The following COL24A1 variants were observed in gnomAD, a reference collection of about 807,000 sequenced individuals.
COL24A1 encodes collagen alpha-1(XXIV) chain.
In COL24A1, 224 loss-of-function variants were observed where a neutral mutation model predicts 253.9. That is an observed-to-expected ratio of 0.88 (90% CI 0.79 to 0.99). COL24A1 has a LOEUF of 0.99. Ranked by LOEUF, COL24A1 falls within the 50% of genes least tolerant of loss-of-function variation. The pLI is 0.00. For missense variants in COL24A1, 2,131 were observed against 2,068.5 expected, an observed-to-expected ratio of 1.03 and a Z score of -0.59; for synonymous variants, 685 against 673.7, an observed-to-expected ratio of 1.02 and a Z score of -0.26.
chr1:85,777,240 G>A (rs1404660876), intron 52 of COL24A1, among the ~76,000 whole-genome samples: 5 of 148,370 alleles, frequency 3.4e-5, no homozygotes, highest in Middle Eastern at 3.5e-3. Flanking sequence ...GAGTCACTGC[G>A]CCTGGACCCT....
intron 12 of COL24A1, 106 bp from the exon 13 acceptor site, chr1:86,034,029 T>A: frequency 1.3e-6 from 1 of 744,984 alleles, no homozygotes; most frequent in Non-Finnish European, 2.1e-6. Context: ...TCCTAACTCT[T>A]AAACTGTAAT....
At chr1:86,137,263 A>G (rs957875589) in intron 2 of COL24A1, among the ~76,000 whole-genome samples, 1 of 152,178 alleles carries the variant, frequency 6.6e-6, no homozygotes, top group Non-Finnish European at 1.5e-5. Flanking sequence ...TCAACCCAGC[A>G]CTATATTAGG....
chr1:85,810,584 G>A (rs1039933173), intron 47 of COL24A1, among the ~76,000 whole-genome samples: 1 of 152,090 alleles, frequency 6.6e-6, no homozygotes, highest in African/African-American at 2.4e-5. Context: ...GGAGGTGGGG[G>A]CTGGGGGAGT....
At chr1:85,924,353 CAGAGACACAACAAAAAAAGAGAA>C (rs1283034642) in intron 24 of COL24A1, among the ~76,000 whole-genome samples, 3 of 152,114 alleles carry the variant, frequency 2.0e-5, no homozygotes, top group Non-Finnish European at 4.4e-5. Context: ...GAAAGCCTGG[CAGAGACACAACAAAAAAAGAGAA>C]TTTTAGACCA....
chr1:85,977,198 C>T (rs1692775073), intron 20 of COL24A1, among the ~76,000 whole-genome samples: 1 of 152,218 alleles, frequency 6.6e-6, no homozygotes, highest in African/African-American at 2.4e-5. Flanking sequence ...GGGATCACCC[C>T]ATGGGACAAA....
At chr1:85,871,516 T>C (rs559515643) in intron 35 of COL24A1, among the ~76,000 whole-genome samples, 23 of 152,314 alleles carry the variant, frequency 1.5e-4, no homozygotes, top group African/African-American at 5.3e-4. Context: ...GTGGGCTTCA[T>C]CCCTGGGATG....
rs756611468 is a variant in COL24A1, at chr1:85,823,558, A to C, written c.3767T>G (p.Leu1256Arg). The C allele has an allele frequency of 6.2e-7, 1 of 1,613,990 alleles. No homozygotes were observed. Among genetic ancestry groups the C allele is most frequent in the Non-Finnish European group, 8.5e-7 (1 of 1,179,948 alleles). The part of the protein sequence containing the change: ...GEPGDQGEQG[L>R]KGERGSEGNK... ...TACTTCAGATCCTCTCTCTCCTTTT[A>C]GTCCTTGTTCACCCTGGTCACCTGG... Residue 1256 changes from leucine (L) to arginine (R), a missense_variant, in exon 45 of 60, where the codon CTA becomes CGA. By Grantham distance (102) the Leu-to-Arg change is moderately radical. Transcript: ENST00000370571.
intron 7 of COL24A1, among the ~76,000 whole-genome samples, chr1:86,077,974 A>C (rs143633361): frequency 1.3e-4 from 20 of 152,156 alleles, no homozygotes; most frequent in African/African-American, 4.6e-4. Flanking sequence ...ACAGAACTTA[A>C]AGTATAATTT....
intron 19 of COL24A1, among the ~76,000 whole-genome samples, chr1:85,995,236 C>T (rs7537787): frequency 0.26 from 40,072 of 151,810 alleles, 6,522 homozygotes; most frequent in Non-Finnish European, 0.35. Context: ...TGTGCCACCA[C>T]GTTCAGCTAA....
chr1:85,782,515 A>AGCC (rs34242017), intron 51 of COL24A1, among the ~76,000 whole-genome samples: 144,041 of 152,180 alleles, frequency 0.95, 68,213 homozygotes, highest in Non-Finnish European at 0.96. Flanking sequence ...AATACTATGC[A>AGCC]ATAAAAGATG....
chr1:86,033,805 A>C (rs1041469023), intron 13 of COL24A1, 65 bp downstream of exon 13: 1 of 1,344,412 alleles, frequency 7.4e-7, no homozygotes, highest in African/African-American at 1.5e-5. Flanking sequence ...TAAGGACTGT[A>C]AGTGCAGTGC....
intron 37 of COL24A1, among the ~76,000 whole-genome samples, chr1:85,855,577 G>T (rs1339837110): frequency 6.6e-6 from 1 of 152,118 alleles, no homozygotes; most frequent in Non-Finnish European, 1.5e-5. Context: ...GATCATGATG[G>T]ATTAGCTTTT....
At chr1:86,075,162 A>C (rs1420553303) in intron 7 of COL24A1, among the ~76,000 whole-genome samples, 1 of 152,208 alleles carries the variant, frequency 6.6e-6, no homozygotes, top group Non-Finnish European at 1.5e-5. Flanking sequence ...AACAAAGAAG[A>C]AAAGAGAGAA....
chr1:85,800,426 A>T (rs598104), intron 47 of COL24A1, among the ~76,000 whole-genome samples: 58,937 of 151,968 alleles, frequency 0.39, 11,809 homozygotes, highest in East Asian at 0.57. Context: ...AAATACATGA[A>T]CATAATTTCA....
chr1:85,738,088 T>C (rs1410241088), intron 57 of COL24A1, among the ~76,000 whole-genome samples: 1 of 152,164 alleles, frequency 6.6e-6, no homozygotes, highest in Admixed American at 6.5e-5. Flanking sequence ...ATAGCTGAAT[T>C]GATTGCTTCA....
intron 14 of COL24A1, among the ~76,000 whole-genome samples, chr1:86,025,265 C>A (rs1467816252): frequency 6.6e-6 from 1 of 152,158 alleles, no homozygotes; most frequent in Non-Finnish European, 1.5e-5. Flanking sequence ...TACTTTCATG[C>A]GTGGGAGCCT....
chr1:85,789,185 C>A (rs1470503206), intron 47 of COL24A1, among the ~76,000 whole-genome samples: 6 of 152,146 alleles, frequency 3.9e-5, no homozygotes, highest in Admixed American at 3.3e-4. Context: ...TTAATTCTTC[C>A]TATCCACGAG....
In COL24A1 at chr1:86,017,192, C is replaced by A; in HGVS notation, c.2269G>T (p.Asp757Tyr). The part of the protein sequence containing the change: ...GKSGPSGQTG[D>Y]PGLQGPSGPP... Reference sequence around the variant, plus strand: ...CCAGATGGTCCTTGGAGTCCTGGGTCACCTGTTTGGCCCTAAAATGGGGGG... The same window carrying A: ...CCAGATGGTCCTTGGAGTCCTGGGTAACCTGTTTGGCCCTAAAATGGGGGG... Residue 757 changes from aspartate to tyrosine, a missense_variant, in exon 19 of 60, where the codon GAC (aspartate) becomes TAC (tyrosine). Transcript: ENST00000370571. The A allele has an allele frequency of 6.4e-7, 1 of 1,570,044 alleles. No homozygotes were observed. Among genetic ancestry groups the A allele is most frequent in the Non-Finnish European group, 8.6e-7 (1 of 1,165,700 alleles).
intron 24 of COL24A1, among the ~76,000 whole-genome samples, chr1:85,956,049 C>T (rs1690428461): frequency 6.6e-6 from 1 of 152,106 alleles, no homozygotes; most frequent in Non-Finnish European, 1.5e-5. Flanking sequence ...TTGATGATTA[C>T]CTGATGCAGA....
Sources: allele counts gnomAD v4.1 joint callset (sites outside exome capture counted in the v4.1 genomes callset), GRCh38; gene constraint gnomAD v4.1.1; transcripts MANE v1.5; gene names NCBI Gene and HGNC (gene_info 2026-07-23, HGNC 2026-07-21).